The following CADM2 variants were observed in gnomAD, a reference collection of about 807,000 sequenced individuals.
CADM2 encodes immunoglobulin superfamily member 4D.
CADM2 carries 12 observed loss-of-function variants against 49.8 expected under a neutral mutation model. The observed-to-expected ratio is 0.24, with a 90% confidence interval of 0.15 to 0.39. The LOEUF (loss-of-function observed/expected upper bound fraction) is 0.39, where lower values mean the gene tolerates loss of function less well. Among genes scored for constraint, CADM2 ranks in the 10% least tolerant of loss-of-function variants. The probability of loss-of-function intolerance (pLI) is 1.00; values close to 1 mark genes in which losing one functional copy is unlikely to be tolerated. For synonymous variants in CADM2, 214 were observed against 175.4 expected (o/e 1.22, Z -1.74); for missense variants, 378 against 492.3 (o/e 0.77, Z 2.20).
intron 5 of CADM2, among the ~76,000 whole-genome samples, chr3:85,898,122 G>T (rs142064112): frequency 1.3e-5 from 2 of 152,104 alleles, no homozygotes; most frequent in African/African-American, 4.8e-5. Flanking sequence ...GGTGTTAAAC[G>T]CAGTACCTCA....
At chr3:85,820,402 C>T (rs2073479838) in intron 3 of CADM2, among the ~76,000 whole-genome samples, 1 of 152,022 alleles carries the variant, frequency 6.6e-6, no homozygotes, top group Admixed American at 6.6e-5. Context: ...AGAGCTATTG[C>T]ATTAATCCAA....
chr3:85,942,361 T>TCTAGGG (rs752300201), intron 7 of CADM2, among the ~76,000 whole-genome samples: 9 of 151,918 alleles, frequency 5.9e-5, no homozygotes, highest in Non-Finnish European at 1.3e-4. Context: ...TACCTTAAGT[T>TCTAGGG]CTAGGGTACA....
intron 1 of CADM2, among the ~76,000 whole-genome samples, chr3:85,692,145 A>G (rs533393432): frequency 6.6e-6 from 1 of 152,140 alleles, no homozygotes; most frequent in Admixed American, 6.6e-5. Context: ...AAATTAAATT[A>G]AAAAAAGAGA....
intron 1 of CADM2, among the ~76,000 whole-genome samples, chr3:85,134,202 G>C (rs569491011): frequency 5.9e-5 from 9 of 152,206 alleles, no homozygotes; most frequent in Non-Finnish European, 1.0e-4. Flanking sequence ...CAGCTGGCCC[G>C]CAAGCGCCGC....
At chr3:85,467,819 T>C (rs1357517205) in intron 1 of CADM2, among the ~76,000 whole-genome samples, 1 of 152,164 alleles carries the variant, frequency 6.6e-6, no homozygotes, top group Non-Finnish European at 1.5e-5. Context: ...TGTAGAGATA[T>C]GTGTGAAAGC....
At chr3:85,311,022 A>G (rs1431747087) in intron 1 of CADM2, among the ~76,000 whole-genome samples, 1 of 152,226 alleles carries the variant, frequency 6.6e-6, no homozygotes, top group South Asian at 2.1e-4. Flanking sequence ...ACTGCCAGAC[A>G]TCAGGCAGAG....
intron 1 of CADM2, among the ~76,000 whole-genome samples, chr3:85,068,401 G>A (rs976795321): frequency 6.6e-5 from 10 of 152,152 alleles, no homozygotes; most frequent in African/African-American, 2.4e-4. Flanking sequence ...CTGGAACTCT[G>A]TAAAGTATAG....
At chr3:85,011,762 T>C (rs1023677796) in intron 1 of CADM2, among the ~76,000 whole-genome samples, 2 of 151,888 alleles carry the variant, frequency 1.3e-5, no homozygotes, top group African/African-American at 4.8e-5. Context: ...TAGTGGAACA[T>C]ACCTGTGGTC....
intron 1 of CADM2, among the ~76,000 whole-genome samples, chr3:85,724,131 T>G (rs1006645384): frequency 1.3e-5 from 2 of 152,008 alleles, no homozygotes; most frequent in African/African-American, 4.8e-5. Flanking sequence ...AAACAAATAG[T>G]AGGTAAAGTT....
chr3:85,145,464 A>G (rs972216729), intron 1 of CADM2, among the ~76,000 whole-genome samples: 1 of 151,326 alleles, frequency 6.6e-6, no homozygotes, highest in Admixed American at 6.6e-5. Flanking sequence ...GAACTAAATC[A>G]CAGTCTTATA....
At chr3:85,633,667 C>T (rs972758469) in intron 1 of CADM2, among the ~76,000 whole-genome samples, 5 of 151,912 alleles carry the variant, frequency 3.3e-5, no homozygotes, top group Non-Finnish European at 5.9e-5. Context: ...ATATCATAGT[C>T]GCAACTTCCA....
chr3:85,702,737 A>G (rs2066821195), intron 1 of CADM2, among the ~76,000 whole-genome samples: 1 of 152,158 alleles, frequency 6.6e-6, no homozygotes, highest in Admixed American at 6.5e-5. Context: ...AGGAAAAAAG[A>G]TGCTTTTGTT....
chr3:85,916,634 G>A (rs1224444904), intron 6 of CADM2, among the ~76,000 whole-genome samples: 8 of 152,046 alleles, frequency 5.3e-5, no homozygotes, highest in South Asian at 2.1e-4. Context: ...ATAAACATAC[G>A]TGTGCATGTG....
At chr3:86,050,371 G>A (rs1422752523) in intron 8 of CADM2, among the ~76,000 whole-genome samples, 4 of 152,168 alleles carry the variant, frequency 2.6e-5, no homozygotes, top group Non-Finnish European at 5.9e-5. Context: ...GCTCTTATGG[G>A]CTGGTGTTGA....
At chr3:85,175,649 A>C (rs2040762499) in intron 1 of CADM2, among the ~76,000 whole-genome samples, 1 of 152,120 alleles carries the variant, frequency 6.6e-6, no homozygotes, top group Non-Finnish European at 1.5e-5. Flanking sequence ...AAGTGCTGAA[A>C]AAGTTCTGGA....
intron 3 of CADM2, among the ~76,000 whole-genome samples, chr3:85,842,506 C>A (rs1056670246): frequency 1.1e-4 from 16 of 152,086 alleles, no homozygotes; most frequent in Non-Finnish European, 1.9e-4. Context: ...GACTTATCTT[C>A]TTGGGCCAAT....
At chr3:85,846,703 G>C (rs1424416588) in intron 3 of CADM2, among the ~76,000 whole-genome samples, 1 of 151,926 alleles carries the variant, frequency 6.6e-6, no homozygotes, top group Non-Finnish European at 1.5e-5. Context: ...TCTCTCTACA[G>C]ATTAAAAAAA....
rs1365759375 is a variant in CADM2, at chr3:84,959,694, C to T, written c.61+26C>T. 5 of 1,533,398 alleles carry T rather than the reference C, an allele frequency of 3.3e-6. No individual in the cohort carries two copies. The Admixed American group carries it at 9.8e-5, about 30-fold the overall frequency. 95.0% of individuals were successfully genotyped at this position (1,533,398 alleles called of 1,614,324 possible). A position where few individuals can be genotyped will look rare whatever the true frequency, so the allele number is the denominator to read the frequency against. On this transcript the variant is annotated intron_variant, in intron 1 of 9. Transcript: ENST00000383699. Reference sequence around the variant, plus strand: ...GTAATCCCCGCCCCGGCGCAGGGAACATCAACTTCTCGCCCATTCCCCATC... The same window carrying T: ...GTAATCCCCGCCCCGGCGCAGGGAATATCAACTTCTCGCCCATTCCCCATC...
chr3:85,398,303 A>G (rs2034900957), intron 1 of CADM2, among the ~76,000 whole-genome samples: 1 of 149,788 alleles, frequency 6.7e-6, no homozygotes, highest in Non-Finnish European at 1.5e-5. Context: ...GATGGTTTCC[A>G]GCTTCATCCA....
Sources: allele counts gnomAD v4.1 joint callset (sites outside exome capture counted in the v4.1 genomes callset), GRCh38; gene constraint gnomAD v4.1.1; transcripts MANE v1.5; gene names NCBI Gene and HGNC (gene_info 2026-07-23, HGNC 2026-07-21).